COL28A1: variants seen among roughly 807,000 people sequenced by gnomAD.
COL28A1 encodes the protein collagen alpha-1(XXVIII) chain.
Under a neutral mutation model 150.2 loss-of-function variants are expected in COL28A1, and 161 were observed. The ratio of observed to expected loss-of-function variants is 1.07; its 90% CI spans 0.94 to 1.22. The LOEUF is 1.22. COL28A1 is among the 50% of genes most tolerant of loss of function. The pLI is 0.00. For missense variants in COL28A1, 1,617 were observed against 1,388.3 expected, an observed-to-expected ratio of 1.16 and a Z score of -2.62; for synonymous variants, 552 against 469.7, an observed-to-expected ratio of 1.18 and a Z score of -2.26.
At chr7:7,497,674 C>T (rs1311780012) in intron 11 of COL28A1, among the ~76,000 whole-genome samples, 2 of 152,164 alleles carry the variant, frequency 1.3e-5, no homozygotes, top group South Asian at 2.1e-4. Context: ...ACAATCTACT[C>T]ACAACTGAAA....
chr7:7,483,318 G>T, intron 13 of COL28A1, among the ~76,000 whole-genome samples: 1 of 152,102 alleles, frequency 6.6e-6, no homozygotes, highest in African/African-American at 2.4e-5. Context: ...GGTATAGTAG[G>T]ATGTAACTCC....
intron 18 of COL28A1, 37 bp downstream of exon 18, chr7:7,452,281 TA>T (rs1302831134): frequency 6.3e-7 from 1 of 1,587,956 alleles, no homozygotes; most frequent in Non-Finnish European, 8.5e-7. Context: ...TAATGTTACA[TA>T]AAGTATCATA....
chr7:7,504,456 T>C lies in COL28A1; in HGVS notation c.1026+1558A>G. On this transcript the variant is annotated intron_variant, in intron 11 of 34. Coordinates refer to ENST00000399429, the MANE Select transcript of COL28A1 (RefSeq NM_001037763.3). ...TTCAAGTTGCAGTTGGTTATGATCA[T>C]GCCACTGTACTCCAGCTGGGGGAAC... 2.0e-5 allele frequency among the ~76,000 whole-genome samples: 3 copies of C among 152,262 alleles called. No individual in the cohort carries two copies. The East Asian group carries it at 5.8e-4, about 29-fold the overall frequency.
chr7:7,537,407 G>A (rs1320800725), upstream of COL28A1, among the ~76,000 whole-genome samples: 1 of 152,152 alleles, frequency 6.6e-6, no homozygotes, highest in Non-Finnish European at 1.5e-5. Flanking sequence ...CCCAGGAATT[G>A]AATTTTTTTT....
At chr7:7,480,264 T>C (rs768579634) in intron 13 of COL28A1, among the ~76,000 whole-genome samples, 1 of 152,244 alleles carries the variant, frequency 6.6e-6, no homozygotes, top group Non-Finnish European at 1.5e-5. Flanking sequence ...TACAAGACAA[T>C]CTTCTTTAGT....
intron 15 of COL28A1, among the ~76,000 whole-genome samples, chr7:7,465,559 G>T (rs1483006772): frequency 2.2e-5 from 3 of 138,830 alleles, no homozygotes; most frequent in African/African-American, 8.1e-5. Flanking sequence ...GGCTTGCTTA[G>T]GTAAACAAAG....
chr7:7,506,014 C>A lies in COL28A1; in HGVS notation c.1026G>T (p.Lys342Asn). Reference protein sequence around the residue: ...DPGPKGFQGNKGEPGPPGPYG... With the variant: ...DPGPKGFQGNNGEPGPPGPYG... ...GTCTTTAATCAAAGGGTAAGATTAC[C>A]TTATTGCCTTGAAACCCCTTTGGGC... Residue 342 changes from lysine (K) to asparagine (N), a missense_variant and splice_region_variant, in exon 11 of 35, where the codon AAG (lysine) becomes AAT (asparagine). By Grantham distance (94) the Lys-to-Asn change is moderately conservative. Transcript: ENST00000399429. The A allele has an allele frequency of 7.5e-7, 1 of 1,333,582 alleles. No homozygotes were observed. Among genetic ancestry groups the A allele is most frequent in the Non-Finnish European group, 1.1e-6 (1 of 923,802 alleles). 82.6% of individuals were successfully genotyped at this position (1,333,582 alleles called of 1,614,324 possible).
chr7:7,523,121 G>A (rs1292396475), intron 4 of COL28A1, among the ~76,000 whole-genome samples: 1 of 151,420 alleles, frequency 6.6e-6, no homozygotes, highest in African/African-American at 2.4e-5. Flanking sequence ...AGAAGACACT[G>A]TATCATAGAT....
intron 27 of COL28A1, among the ~76,000 whole-genome samples, chr7:7,408,909 T>A (rs1047121418): frequency 3.9e-5 from 6 of 152,018 alleles, no homozygotes; most frequent in African/African-American, 1.5e-4. Context: ...ATTAGTTTTC[T>A]CTCTCTAACA....
chr7:7,419,534 G>A (rs968401481), intron 26 of COL28A1, among the ~76,000 whole-genome samples: 1 of 152,112 alleles, frequency 6.6e-6, no homozygotes, highest in African/African-American at 2.4e-5. Flanking sequence ...AGGGCACAAT[G>A]ACACATTAGC....
In COL28A1 at chr7:7,360,439, G is replaced by C; in HGVS notation, c.3156C>G (p.Ala1052=). 1 of 1,608,004 alleles carries C rather than the reference G, an allele frequency of 6.2e-7. No homozygotes were observed. The highest frequency in any genetic ancestry group is 8.5e-7 in the Non-Finnish European group (1 of 1,178,210). ...TGAGCAGTGGCCTGGGGGTGGTGGT[G>C]GCCTCAGATGAGGTAGTGGCAGGCA... The part of the protein sequence containing the change: ...DDLPATTSSE[A]TTTPRPLLST... The change falls in exon 34 of 35, where the codon GCC becomes GCG. Residue 1052 remains alanine, a synonymous_variant. Transcript: ENST00000399429.
chr7:7,376,129 A>G (rs1274930067), intron 30 of COL28A1, among the ~76,000 whole-genome samples: 1 of 152,124 alleles, frequency 6.6e-6, no homozygotes, highest in African/African-American at 2.4e-5. Context: ...TGAGCTGGGT[A>G]CTAGAAATAA....
intron 15 of COL28A1, among the ~76,000 whole-genome samples, chr7:7,461,651 A>G (rs765052916): frequency 3.9e-5 from 6 of 152,080 alleles, no homozygotes; most frequent in Non-Finnish European, 8.8e-5. Context: ...GGCACAGCAG[A>G]GGCAGCCATT....
chr7:7,422,223 C>A (rs1256541749), intron 25 of COL28A1, among the ~76,000 whole-genome samples: 2 of 152,144 alleles, frequency 1.3e-5, no homozygotes, highest in Non-Finnish European at 2.9e-5. Context: ...AAAGTTTCAT[C>A]AAAAATAATA....
the COL28A1 span, among the ~76,000 whole-genome samples, chr7:7,541,350 T>C: frequency 6.6e-6 from 1 of 152,222 alleles, no homozygotes; most frequent in Non-Finnish European, 1.5e-5. Flanking sequence ...AACAACCTTT[T>C]AATAATACTA....
intron 27 of COL28A1, among the ~76,000 whole-genome samples, chr7:7,410,687 GA>G (rs143697622): frequency 0.011 from 1,604 of 150,922 alleles, 41 homozygotes; most frequent in African/African-American, 0.038. Context: ...TCAAGAAGGA[GA>G]AAAAAACCTT....
chr7:7,516,989 T>G (rs1781450118), intron 7 of COL28A1, among the ~76,000 whole-genome samples: 1 of 152,200 alleles, frequency 6.6e-6, no homozygotes, highest in Non-Finnish European at 1.5e-5. Flanking sequence ...TTCTCTCCTA[T>G]GAGATAATAA....
At position 7,357,980 on chromosome 7, in the gene COL28A1, A is replaced by G. The variant is rs1191982516; in HGVS notation, c.*653T>C. On this transcript the variant is annotated 3_prime_UTR_variant, in exon 35 of 35. Transcript: ENST00000399429. The stretch of plus-strand genomic sequence containing the variant: ...AAAAACCTTCTTTGTTTTAACATAC[A>G]TTAAACACTTGTTACCAAACATGTT... 1.3e-5 allele frequency: 2 copies of G among 152,192 alleles called. No homozygotes were observed. Among genetic ancestry groups the G allele is most frequent in the African/African-American group, 4.8e-5 (2 of 41,436 alleles). 9.4% of individuals were successfully genotyped at this position (152,192 alleles called of 1,614,324 possible).
At chr7:7,419,171 T>G (rs1057306274) in intron 26 of COL28A1, among the ~76,000 whole-genome samples, 1 of 152,202 alleles carries the variant, frequency 6.6e-6, no homozygotes, top group Non-Finnish European at 1.5e-5. Context: ...AATGAACAAT[T>G]AAAACTAGGT....
Sources: gnomAD v4.1 joint callset for allele counts (sites outside exome capture counted in the v4.1 genomes callset) on GRCh38, gnomAD v4.1.1 for gene constraint, MANE v1.5 for transcripts, NCBI Gene and HGNC (gene_info 2026-07-23, HGNC 2026-07-21) for gene names.